UBE2E2: variants seen among roughly 807,000 people sequenced by gnomAD.
The protein encoded by UBE2E2 is ubiquitin-conjugating enzyme E2 E2.
In UBE2E2, 6 loss-of-function variants were observed where a neutral mutation model predicts 24.7. That is an observed-to-expected ratio of 0.24 (90% CI 0.13 to 0.48). The LOEUF (loss-of-function observed/expected upper bound fraction) is 0.48, where lower values mean the gene tolerates loss of function less well. UBE2E2 is among the 20% of genes least tolerant of loss of function. The pLI is 0.99. For missense variants in UBE2E2, 169 were observed against 245.0 expected, an observed-to-expected ratio of 0.69 and a Z score of 2.07; for synonymous variants, 104 against 83.6, an observed-to-expected ratio of 1.24 and a Z score of -1.33.
intron 3 of UBE2E2, among the ~76,000 whole-genome samples, chr3:23,282,675 A>G (rs1331257056): frequency 2.0e-5 from 3 of 152,206 alleles, no homozygotes; most frequent in Admixed American, 2.0e-4. Flanking sequence ...ATATGCCAAC[A>G]AAATGATTTA....
intron 5 of UBE2E2, among the ~76,000 whole-genome samples, chr3:23,573,298 A>T (rs1036543023): frequency 6.6e-6 from 1 of 152,220 alleles, no homozygotes; most frequent in Non-Finnish European, 1.5e-5. Flanking sequence ...TAGTGCAGTG[A>T]ATATAGAGAG....
intron 3 of UBE2E2, among the ~76,000 whole-genome samples, chr3:23,497,207 T>C (rs1350140216): frequency 2.6e-5 from 4 of 152,188 alleles, no homozygotes; most frequent in South Asian, 2.1e-4. Context: ...TGGCATGACT[T>C]TTCTCTGCTT....
chr3:23,243,864 A>G (rs887312001), intron 3 of UBE2E2, among the ~76,000 whole-genome samples: 2 of 152,078 alleles, frequency 1.3e-5, no homozygotes, highest in Non-Finnish European at 2.9e-5. Flanking sequence ...GTCAATTCAG[A>G]GAACATTTTA....
intron 3 of UBE2E2, among the ~76,000 whole-genome samples, chr3:23,267,806 A>G (rs1477108769): frequency 1.3e-5 from 2 of 149,948 alleles, no homozygotes; most frequent in Admixed American, 6.6e-5. Context: ...AAAATCCTCA[A>G]TAAAATACTG....
At chr3:23,490,143 C>G (rs1699465795) in intron 3 of UBE2E2, among the ~76,000 whole-genome samples, 2 of 152,264 alleles carry the variant, frequency 1.3e-5, no homozygotes, top group South Asian at 4.1e-4. Flanking sequence ...TAGTCCAGTT[C>G]TAATGCTTGC....
At chr3:23,322,256 A>G (rs1183001293) in intron 3 of UBE2E2, among the ~76,000 whole-genome samples, 1 of 152,192 alleles carries the variant, frequency 6.6e-6, no homozygotes, top group African/African-American at 2.4e-5. Context: ...AAATGTCACC[A>G]TCTGGGCTGC....
chr3:23,294,441 T>C (rs1382178482), intron 3 of UBE2E2, among the ~76,000 whole-genome samples: 1 of 152,010 alleles, frequency 6.6e-6, no homozygotes, highest in Non-Finnish European at 1.5e-5. Flanking sequence ...TTTACCTTCC[T>C]TGATTACAAT....
At chr3:23,458,856 C>A (rs1294786392) in intron 3 of UBE2E2, among the ~76,000 whole-genome samples, 1 of 152,038 alleles carries the variant, frequency 6.6e-6, no homozygotes, top group Non-Finnish European at 1.5e-5. Context: ...ACCTGATTGT[C>A]ACATATCTTC....
In UBE2E2 at chr3:23,577,959, T is replaced by C. The variant is rs185992524; in HGVS notation, c.509-11775T>C. Among the ~76,000 whole-genome samples, 268 of 150,276 alleles carry C rather than the reference T, an allele frequency of 1.8e-3. 3 individuals carry two copies. Among genetic ancestry groups the C allele is most frequent in the African/African-American group, 6.3e-3 (255 of 40,588 alleles). ...AGCCTGGATGACAGCACATCTTTTT[T>C]AATATGACGTACTGAATATTTTAAG... On this transcript the variant is annotated intron_variant, in intron 5 of 5. Transcript: ENST00000396703.
intron 3 of UBE2E2, among the ~76,000 whole-genome samples, chr3:23,412,077 C>G (rs1314441308): frequency 6.6e-6 from 1 of 151,820 alleles, no homozygotes; most frequent in Non-Finnish European, 1.5e-5. Context: ...AGTGTGGACC[C>G]CATATCTAGC....
chr3:23,340,079 C>T (rs1338879091), intron 3 of UBE2E2, among the ~76,000 whole-genome samples: 1 of 151,994 alleles, frequency 6.6e-6, no homozygotes, highest in Non-Finnish European at 1.5e-5. Flanking sequence ...ACTGTTTTGC[C>T]AGGACCTACG....
At chr3:23,411,372 A>G (rs906250228) in intron 3 of UBE2E2, among the ~76,000 whole-genome samples, 4 of 152,114 alleles carry the variant, frequency 2.6e-5, no homozygotes, top group African/African-American at 7.2e-5. Context: ...TCAGGCTTCT[A>G]GACTTTGGGG....
At chr3:23,356,149 AG>A (rs1390407244) in intron 3 of UBE2E2, among the ~76,000 whole-genome samples, 1 of 152,216 alleles carries the variant, frequency 6.6e-6, no homozygotes, top group Non-Finnish European at 1.5e-5. Context: ...AAGTCAGACA[AG>A]CAGTCTGGAC....
At chr3:23,323,707 G>A in intron 3 of UBE2E2, 1 of 226,656 alleles carries the variant, frequency 4.4e-6, no homozygotes, top group South Asian at 4.3e-5. Flanking sequence ...TGAATGCCAG[G>A]ATTCCTTTTT....
intron 3 of UBE2E2, among the ~76,000 whole-genome samples, chr3:23,384,018 T>C (rs905594311): frequency 1.3e-5 from 2 of 152,222 alleles, no homozygotes; most frequent in African/African-American, 4.8e-5. Context: ...TTTTGTATTT[T>C]TGGAGATTGC....
intron 3 of UBE2E2, among the ~76,000 whole-genome samples, chr3:23,459,807 A>T (rs1209398400): frequency 1.3e-5 from 2 of 152,206 alleles, no homozygotes; most frequent in Admixed American, 1.3e-4. Context: ...GTAAAATCGC[A>T]GGCCAGAATG....
At chr3:23,381,188 A>G (rs902262644) in intron 3 of UBE2E2, among the ~76,000 whole-genome samples, 1 of 152,170 alleles carries the variant, frequency 6.6e-6, no homozygotes, top group Admixed American at 6.5e-5. Flanking sequence ...CAATCTGAAG[A>G]TCATATTTTC....
At chr3:23,445,631 T>C (rs1698410968) in intron 3 of UBE2E2, among the ~76,000 whole-genome samples, 1 of 152,188 alleles carries the variant, frequency 6.6e-6, no homozygotes, top group Non-Finnish European at 1.5e-5. Flanking sequence ...CCTTGACAGT[T>C]GGTCATGAAG....
chr3:23,507,170 A>G (rs1022718639), intron 4 of UBE2E2, among the ~76,000 whole-genome samples: 16 of 151,966 alleles, frequency 1.1e-4, no homozygotes, highest in African/African-American at 3.9e-4. Flanking sequence ...AATTCACATG[A>G]CTCACTTCAT....
Sources: gnomAD v4.1 joint callset for allele counts (sites outside exome capture counted in the v4.1 genomes callset) on GRCh38, gnomAD v4.1.1 for gene constraint, MANE v1.5 for transcripts, NCBI Gene and HGNC (gene_info 2026-07-23, HGNC 2026-07-21) for gene names.